The following PHACTR4 variants were observed in gnomAD, a reference collection of about 807,000 sequenced individuals.
PHACTR4 encodes the protein phosphatase and actin regulator 4.
PHACTR4 carries 51 observed loss-of-function variants against 72.7 expected under a neutral mutation model. That is an observed-to-expected ratio of 0.70 (90% CI 0.56 to 0.89). PHACTR4 has a LOEUF of 0.89. Ranked by LOEUF, PHACTR4 falls within the 40% of genes least tolerant of loss-of-function variation. The pLI is 0.00. For missense variants in PHACTR4, 731 were observed against 861.8 expected, an observed-to-expected ratio of 0.85 and a Z score of 1.90; for synonymous variants, 255 against 302.5, an observed-to-expected ratio of 0.84 and a Z score of 1.63.
chr1:28,421,652 C>T lies in PHACTR4; in HGVS notation c.16+14189C>T, dbSNP rs559801631. Among the ~76,000 whole-genome samples, 5 of 152,128 alleles carry T rather than the reference C, an allele frequency of 3.3e-5. No homozygotes were observed. In the South Asian group the frequency reaches 1.0e-3, roughly 32 times the overall value. ...GTAGGCCTGGCTGCTTTATTTTGTC[C>T]ATTTCCCCGCACAGGGTGAGTCAGT... On this transcript the variant is annotated intron_variant, in intron 2 of 13. Coordinates refer to ENST00000373839, the MANE Select transcript of PHACTR4 (RefSeq NM_001048183.3).
chr1:28,408,549 A>G (rs1015812487), intron 2 of PHACTR4, among the ~76,000 whole-genome samples: 2 of 152,062 alleles, frequency 1.3e-5, no homozygotes, highest in African/African-American at 4.8e-5. Flanking sequence ...ACACAGGGAG[A>G]CTCTGTCTTA....
chr1:28,479,419 CAA>C (rs1019186726), intron 8 of PHACTR4, among the ~76,000 whole-genome samples: 22 of 61,544 alleles, frequency 3.6e-4, no homozygotes, highest in Admixed American at 4.1e-4. Context: ...GACTCTGTCG[CAA>C]AAAAAAAAAA....
intron 1 of PHACTR4, among the ~76,000 whole-genome samples, chr1:28,395,457 A>G (rs1653419981): frequency 6.6e-6 from 1 of 152,138 alleles, no homozygotes; most frequent in South Asian, 2.1e-4. Flanking sequence ...TCAATAAGCC[A>G]CACCTCTGTT....
chr1:28,470,552 C>T (rs947796176), intron 6 of PHACTR4, among the ~76,000 whole-genome samples: 5 of 150,944 alleles, frequency 3.3e-5, no homozygotes, highest in Non-Finnish European at 7.4e-5. Context: ...AAAAATTAGC[C>T]GGGCATGGTG....
chr1:28,377,866 G>A (rs1446220638), intron 1 of PHACTR4, among the ~76,000 whole-genome samples: 1 of 151,850 alleles, frequency 6.6e-6, no homozygotes, highest in Non-Finnish European at 1.5e-5. Flanking sequence ...TATCTTGATG[G>A]TTGGTGAGAG....
At chr1:28,389,792 T>C (rs1243859952) in intron 1 of PHACTR4, among the ~76,000 whole-genome samples, 2 of 152,124 alleles carry the variant, frequency 1.3e-5, no homozygotes, top group Non-Finnish European at 2.9e-5. Flanking sequence ...ACTACTGTTC[T>C]ATGGAAAACA....
intron 9 of PHACTR4, among the ~76,000 whole-genome samples, chr1:28,488,860 C>A (rs567328615): frequency 6.6e-4 from 100 of 152,272 alleles, no homozygotes; most frequent in Middle Eastern, 3.4e-3. Context: ...TCCAAACCTT[C>A]GCTTCACGGA....
chr1:28,492,274 T>C (rs1057144341), intron 12 of PHACTR4, among the ~76,000 whole-genome samples: 2 of 150,960 alleles, frequency 1.3e-5, no homozygotes, highest in African/African-American at 4.9e-5. Context: ...CCATCTCTAC[T>C]AAAAATACAA....
At chr1:28,381,011 T>A (rs1336373621) in intron 1 of PHACTR4, among the ~76,000 whole-genome samples, 3 of 60,724 alleles carry the variant, frequency 4.9e-5, no homozygotes, top group African/African-American at 3.0e-4. Flanking sequence ...TTTTTGAATT[T>A]TTTTTTTTTT....
chr1:28,446,427 A>G (rs988500526), intron 2 of PHACTR4, among the ~76,000 whole-genome samples: 3 of 152,196 alleles, frequency 2.0e-5, no homozygotes, highest in Admixed American at 2.0e-4. Flanking sequence ...CGAATGGTTT[A>G]ACACCATCCA....
intron 12 of PHACTR4, among the ~76,000 whole-genome samples, chr1:28,492,617 G>A (rs1207488913): frequency 6.6e-6 from 1 of 151,696 alleles, no homozygotes; most frequent in East Asian, 1.9e-4. Context: ...CAAAATAGCC[G>A]GACGTGGTAG....
At chr1:28,380,090 T>C (rs1652041801) in intron 1 of PHACTR4, among the ~76,000 whole-genome samples, 1 of 133,650 alleles carries the variant, frequency 7.5e-6, no homozygotes, top group Admixed American at 8.1e-5. Flanking sequence ...GGAGTCTCGC[T>C]CTGTCGCCCA....
intron 1 of PHACTR4, among the ~76,000 whole-genome samples, chr1:28,389,477 CTTTT>C (rs557958697): frequency 2.3e-5 from 3 of 129,802 alleles, no homozygotes; most frequent in African/African-American, 6.0e-5. Flanking sequence ...TTGTATACTA[CTTTT>C]TTTTTTTTTT....
chr1:28,445,574 A>G (rs1432061241), intron 2 of PHACTR4, among the ~76,000 whole-genome samples: 1 of 151,898 alleles, frequency 6.6e-6, no homozygotes, highest in Admixed American at 6.6e-5. Flanking sequence ...ATATATTGCT[A>G]TAAAAGATAC....
chr1:28,496,895 A>G lies in PHACTR4; in HGVS notation c.*346A>G. Reference sequence around the variant, plus strand: ...TAGATGACTGCCTGTGCAGAGACACAGTTTGCACCATTAGCCTTACCTGCC... The same window carrying G: ...TAGATGACTGCCTGTGCAGAGACACGGTTTGCACCATTAGCCTTACCTGCC... On this transcript the variant is annotated 3_prime_UTR_variant, in exon 14 of 14. Coordinates refer to ENST00000373839, the MANE Select transcript of PHACTR4 (RefSeq NM_001048183.3). 2.6e-6 allele frequency: 1 copy of G among 386,080 alleles called. No individual in the cohort carries two copies. The highest frequency in any genetic ancestry group is 2.8e-5 in the South Asian group (1 of 35,952). The allele number at this position is 386,080 out of a possible 1,614,324, so 23.9% of individuals were successfully genotyped here. A position where few individuals can be genotyped will look rare whatever the true frequency, so the allele number is the denominator to read the frequency against.
At chr1:28,386,167 C>T (rs1050587146) in intron 1 of PHACTR4, among the ~76,000 whole-genome samples, 5 of 151,964 alleles carry the variant, frequency 3.3e-5, no homozygotes, top group African/African-American at 1.2e-4. Context: ...GATCTCGGCT[C>T]ATTGCAGCCT....
At chr1:28,409,907 A>C (rs1420331032) in intron 2 of PHACTR4, among the ~76,000 whole-genome samples, 1 of 149,064 alleles carries the variant, frequency 6.7e-6, no homozygotes, top group Non-Finnish European at 1.5e-5. Flanking sequence ...AATTAGATCC[A>C]TCCTTAGTTT....
Position 28,466,648 on chromosome 1 carries a change from C to A in PHACTR4, c.703C>A (p.Pro235Thr), listed in dbSNP as rs1659189973. The change falls in exon 6 of 14, where the codon CCT becomes ACT. Residue 235 changes from proline (P) to threonine (T), a missense_variant. Around this residue, in one of 2 missense-constraint regions of PHACTR4, gnomAD observed 621 missense variants for 676.6 expected, o/e 0.92. Transcript: ENST00000373839. ...VTPSPAPRTL[P>T]AAPASTNTTA... ...CCCTTCCCCAGCACCCAGGACTCTGCCTGCTGCTCCTGCCAGCACTAACAC... is the reference window on the plus strand; with the variant it reads ...CCCTTCCCCAGCACCCAGGACTCTGACTGCTGCTCCTGCCAGCACTAACAC... The A allele has an allele frequency of 6.2e-6, 10 of 1,613,900 alleles. No homozygotes were observed. Among genetic ancestry groups the A allele is most frequent in the Non-Finnish European group, 8.5e-6 (10 of 1,180,014 alleles).
intron 1 of PHACTR4, among the ~76,000 whole-genome samples, chr1:28,374,649 T>C (rs1367077633): frequency 6.6e-6 from 1 of 152,146 alleles, no homozygotes; most frequent in Non-Finnish European, 1.5e-5. Context: ...TCCAAAACCA[T>C]CTGTTCATTC....
Sources: gnomAD v4.1 joint callset for allele counts (sites outside exome capture counted in the v4.1 genomes callset) on GRCh38, gnomAD v4.1.1 for gene constraint, gnomAD v4.1.1 regional missense constraint, MANE v1.5 for transcripts, NCBI Gene and HGNC (gene_info 2026-07-23, HGNC 2026-07-21) for gene names.